LY96: variants seen among roughly 807,000 people sequenced by gnomAD.
The protein encoded by LY96 is myeloid differentiation protein-2.
A neutral mutation model predicts 18.9 loss-of-function variants in LY96; 18 were observed. The ratio of observed to expected loss-of-function variants is 0.95; its 90% confidence interval spans 0.66 to 1.41. The LOEUF (loss-of-function observed/expected upper bound fraction) is 1.41. Among genes scored for constraint, LY96 ranks in the 40% most tolerant of loss-of-function variants. The pLI is 0.00. For missense variants in LY96, 175 were observed against 182.4 expected, an observed-to-expected ratio of 0.96 and a Z score of 0.23; for synonymous variants, 66 against 62.6, an observed-to-expected ratio of 1.06 and a Z score of -0.26.
At chr8:74,045,580 C>T in the LY96 span, among the ~76,000 whole-genome samples, 37 of 152,186 alleles carry the variant, frequency 2.4e-4, no homozygotes, top group African/African-American at 7.0e-4. Flanking sequence ...ACTGGGATTA[C>T]TTAAGGAGAG....
intron 1 of LY96, among the ~76,000 whole-genome samples, chr8:73,995,823 T>A (rs944892469): frequency 1.2e-4 from 18 of 152,246 alleles, no homozygotes; most frequent in South Asian, 2.1e-4. Context: ...GCACTTACTC[T>A]AGGAACTGAG....
At chr8:74,026,927 T>A (rs1816883682) in intron 4 of LY96, 86 bp downstream of exon 4, 1 of 718,456 alleles carries the variant, frequency 1.4e-6, no homozygotes. Flanking sequence ...TCACAACTTC[T>A]TCCTTTTTCT....
At position 74,004,966 on chromosome 8, in the gene LY96, C is replaced by T. The variant is rs561592001; in HGVS notation, c.202+81C>T. 3 of 1,431,682 alleles carry T rather than the reference C, an allele frequency of 2.1e-6. No homozygotes were observed. In the South Asian group the frequency reaches 3.5e-5, roughly 17 times the overall value. The allele number at this position is 1,431,682 out of a possible 1,614,324, so 88.7% of individuals were successfully genotyped here. ...GATAAATGATTGTGTTTCAAATATA[C>T]TTGTATTCGTTATCTATTGCTACGT... On this transcript the variant is annotated intron_variant, in intron 2 of 4. Transcript: ENST00000284818.
At chr8:74,076,520 TCAC>T in the LY96 span, among the ~76,000 whole-genome samples, 10 of 152,196 alleles carry the variant, frequency 6.6e-5, no homozygotes, top group South Asian at 1.2e-3. Context: ...AGACGGGGTT[TCAC>T]CACGTTGGCC....
chr8:74,097,443 G>C, the LY96 span, among the ~76,000 whole-genome samples: 1 of 152,164 alleles, frequency 6.6e-6, no homozygotes, highest in African/African-American at 2.4e-5. Flanking sequence ...CAGGCACATT[G>C]GCTCATGGCT....
At chr8:74,080,085 C>A in the LY96 span, among the ~76,000 whole-genome samples, 2 of 152,104 alleles carry the variant, frequency 1.3e-5, no homozygotes, top group African/African-American at 4.8e-5. Context: ...TGAACCTGAG[C>A]TGAAGGGAAA....
chr8:74,021,129 A>C (rs1816749337), intron 3 of LY96, among the ~76,000 whole-genome samples: 1 of 152,246 alleles, frequency 6.6e-6, no homozygotes, highest in South Asian at 2.1e-4. Context: ...CAGATTGAAC[A>C]GGCGACCTAC....
chr8:74,067,210 A>G, the LY96 span, among the ~76,000 whole-genome samples: 3 of 152,084 alleles, frequency 2.0e-5, no homozygotes, highest in African/African-American at 7.2e-5. Flanking sequence ...GGCTTTATTT[A>G]CTGTATGTGT....
intron 3 of LY96, among the ~76,000 whole-genome samples, chr8:74,014,538 T>C (rs917608873): frequency 1.3e-5 from 2 of 151,118 alleles, no homozygotes; most frequent in African/African-American, 4.9e-5. Flanking sequence ...CTTGGGCATG[T>C]TAAGCTCAAG....
At chr8:74,002,006 T>TCTTCCTTC (rs1222416498) in intron 1 of LY96, among the ~76,000 whole-genome samples, 2 of 24,084 alleles carry the variant, frequency 8.3e-5, no homozygotes, top group Admixed American at 5.1e-4. Flanking sequence ...TTTCTTCCTT[T>TCTTCCTTC]CTTCCTTCCT....
chr8:74,014,310 C>T (rs1025596156), intron 3 of LY96, among the ~76,000 whole-genome samples: 1 of 148,306 alleles, frequency 6.7e-6, no homozygotes, highest in African/African-American at 2.5e-5. Flanking sequence ...CTACTTGGGA[C>T]TGAGGTGGGA....
chr8:74,013,248 G>A (rs962983449), intron 3 of LY96, among the ~76,000 whole-genome samples: 4 of 151,750 alleles, frequency 2.6e-5, no homozygotes, highest in Non-Finnish European at 5.9e-5. Context: ...TCAGCCTCCC[G>A]AGTAGCTGGG....
At chr8:74,032,722 T>G (rs757727657), downstream of LY96, among the ~76,000 whole-genome samples, 10 of 152,182 alleles carry the variant, frequency 6.6e-5, no homozygotes, top group Non-Finnish European at 5.9e-5. Context: ...TAAAAATAAC[T>G]ACTTTAAGGA....
Position 74,004,886 on chromosome 8 carries a change from G to C in LY96, c.202+1G>C, listed in dbSNP as rs1816379815. ...TTATTGCACATTTTCTACATTCCAA[G>C]TAAGTTCAAATTTTTGCTTTTATAG... On this transcript the variant is annotated splice_donor_variant, in intron 2 of 4. Coordinates refer to ENST00000284818, the MANE Select transcript of LY96 (RefSeq NM_015364.5). LOFTEE classifies it high-confidence loss of function. 1 of 1,590,614 alleles carries C rather than the reference G, an allele frequency of 6.3e-7. No homozygotes were observed. The highest frequency in any genetic ancestry group is 1.3e-5 in the African/African-American group (1 of 74,584).
chr8:73,996,547 A>G (rs7387160), intron 1 of LY96, among the ~76,000 whole-genome samples: 44,947 of 151,322 alleles, frequency 0.3, 6,931 homozygotes, highest in Admixed American at 0.36. Context: ...CCTCCCAAGT[A>G]GCTGGGACTA....
chr8:74,059,753 C>T, the LY96 span, among the ~76,000 whole-genome samples: 27 of 152,280 alleles, frequency 1.8e-4, no homozygotes, highest in Non-Finnish European at 2.6e-4. Context: ...AGGAGAACAG[C>T]TTTATGATCT....
the LY96 span, among the ~76,000 whole-genome samples, chr8:74,077,923 C>T: frequency 7.9e-5 from 12 of 151,622 alleles, no homozygotes; most frequent in South Asian, 6.2e-4. Context: ...GCCTGGGAAA[C>T]GAAGCGAGAC....
At chr8:74,013,810 T>G (rs1204691363) in intron 3 of LY96, among the ~76,000 whole-genome samples, 3 of 152,052 alleles carry the variant, frequency 2.0e-5, no homozygotes, top group Non-Finnish European at 4.4e-5. Flanking sequence ...AGAATGTGCT[T>G]GTGGGGAATT....
chr8:74,074,829 C>T, the LY96 span, among the ~76,000 whole-genome samples: 1 of 152,108 alleles, frequency 6.6e-6, no homozygotes, highest in Non-Finnish European at 1.5e-5. Flanking sequence ...TAGTTTTATT[C>T]CATTGTAGCC....
Sources: allele counts gnomAD v4.1 joint callset (sites outside exome capture counted in the v4.1 genomes callset), GRCh38; gene constraint gnomAD v4.1.1; transcripts MANE v1.5; gene names NCBI Gene and HGNC (gene_info 2026-07-23, HGNC 2026-07-21).